DMD: variants seen among roughly 807,000 people sequenced by gnomAD.
DMD encodes mutant dystrophin.
DMD carries 63 observed loss-of-function variants against 330.1 expected under a neutral mutation model. The observed-to-expected ratio is 0.19, with a 90% CI of 0.16 to 0.24. The LOEUF (loss-of-function observed/expected upper bound fraction) is 0.24. Among genes scored for constraint, DMD ranks in the 10% least tolerant of loss-of-function variants. The pLI, the probability that DMD is intolerant of heterozygous loss-of-function variation, is 1.00. For synonymous variants in DMD, 1,223 were observed against 959.8 expected (o/e 1.27, Z -5.07); for missense variants, 3,344 against 2,684.1 (o/e 1.25, Z -5.43).
At chrX:33,247,162 C>T (rs781054480) in intron 1 of DMD, among the ~76,000 whole-genome samples, 94 of 111,829 alleles carry the variant, frequency 8.4e-4, no homozygotes, top group African/African-American at 3.0e-3. Context: ...ATACTCAAGT[C>T]ACATCACATG....
chrX:33,232,800 G>A (rs1342453368), intron 1 of DMD, among the ~76,000 whole-genome samples: 2 of 111,461 alleles, frequency 1.8e-5, no homozygotes, highest in Non-Finnish European at 3.8e-5. Context: ...ACTGAGGCAT[G>A]AGAATCGCTT....
intron 5 of DMD, among the ~76,000 whole-genome samples, chrX:32,819,008 T>G (rs1438103481): frequency 9.9e-6 from 1 of 100,804 alleles, no homozygotes; most frequent in Non-Finnish European, 2.0e-5. Context: ...TACAGGTGTT[T>G]TTTTTTTTTT....
At chrX:32,915,921 A>C (rs764838310) in intron 2 of DMD, among the ~76,000 whole-genome samples, 2 of 111,355 alleles carry the variant, frequency 1.8e-5, no homozygotes, top group African/African-American at 6.5e-5. Flanking sequence ...TGACTGGGCT[A>C]TTCTGGGAGG....
intron 16 of DMD, among the ~76,000 whole-genome samples, chrX:32,563,057 T>TGG (rs2051218307): frequency 9.0e-6 from 1 of 111,143 alleles, no homozygotes; most frequent in East Asian, 2.8e-4. Context: ...AAGGAGATAG[T>TGG]GGGCCGGGCG....
intron 13 of DMD, among the ~76,000 whole-genome samples, chrX:32,592,374 C>A (rs376287587): frequency 9.0e-6 from 1 of 111,129 alleles, no homozygotes; most frequent in Non-Finnish European, 1.9e-5. Flanking sequence ...GACATTGGGA[C>A]TACCAGCCGC....
At chrX:32,469,553 A>G (rs1440713091) in intron 22 of DMD, among the ~76,000 whole-genome samples, 1 of 110,881 alleles carries the variant, frequency 9.0e-6, no homozygotes, top group Non-Finnish European at 1.9e-5. Context: ...ATAGTATCCT[A>G]TGCCTATTTG....
chrX:32,278,159 C>A (rs1166513788), intron 43 of DMD, among the ~76,000 whole-genome samples: 1 of 110,992 alleles, frequency 9.0e-6, no homozygotes, highest in Non-Finnish European at 1.9e-5. Context: ...AATTCAAAGG[C>A]TCATTAGTGG....
intron 21 of DMD, among the ~76,000 whole-genome samples, chrX:32,474,200 TACATACATACACACACACACACAC>T (rs1454489505): frequency 2.7e-4 from 28 of 104,947 alleles, no homozygotes; most frequent in Non-Finnish European, 4.6e-4. Context: ...CATATATACA[TACATACATACACACACACACACAC>T]ACACACACAC....
chrX:33,188,389 T>C, intron 1 of DMD, among the ~76,000 whole-genome samples: 1 of 111,093 alleles, frequency 9.0e-6, no homozygotes. Context: ...TTTACCCGTC[T>C]ACAGTTCTTT....
At chrX:31,265,196 T>C (rs772925431) in intron 62 of DMD, among the ~76,000 whole-genome samples, 8 of 112,377 alleles carry the variant, frequency 7.1e-5, no homozygotes, top group Non-Finnish European at 1.5e-4. Context: ...CTGGAGCCCA[T>C]TGATCCACAC....
At chrX:32,722,070 T>C (rs1302902915) in intron 7 of DMD, among the ~76,000 whole-genome samples, 2 of 110,830 alleles carry the variant, frequency 1.8e-5, no homozygotes, top group Non-Finnish European at 3.8e-5. Flanking sequence ...ATTTATGATA[T>C]AATTTCAAAT....
chrX:31,196,429 G>A (rs2042893399), intron 67 of DMD, among the ~76,000 whole-genome samples: 1 of 111,191 alleles, frequency 9.0e-6, no homozygotes, highest in African/African-American at 3.3e-5. Flanking sequence ...GAATGTCTAT[G>A]GAACCAAAGG....
At chrX:31,750,188 C>G (rs1184716876) in intron 51 of DMD, among the ~76,000 whole-genome samples, 1 of 109,700 alleles carries the variant, frequency 9.1e-6, no homozygotes, top group Non-Finnish European at 1.9e-5. Flanking sequence ...GTTGCCCTTG[C>G]TTTTGGTGTT....
chrX:32,531,769 A>T (rs971513675), intron 17 of DMD, among the ~76,000 whole-genome samples: 2 of 110,936 alleles, frequency 1.8e-5, no homozygotes, highest in Non-Finnish European at 3.8e-5. Context: ...TAAAAAAAAA[A>T]TAAGGATAAG....
At chrX:32,073,437 TTA>T (rs1230410022) in intron 44 of DMD, among the ~76,000 whole-genome samples, 3 of 111,784 alleles carry the variant, frequency 2.7e-5, no homozygotes, top group African/African-American at 9.8e-5. Flanking sequence ...TATACATATT[TTA>T]TATTATAAAC....
At chrX:31,349,040 G>T (rs1183998161) in intron 60 of DMD, among the ~76,000 whole-genome samples, 1 of 112,045 alleles carries the variant, frequency 8.9e-6, no homozygotes, top group Non-Finnish European at 1.9e-5. Context: ...TAAGTCTTAG[G>T]CTATTGTTTT....
At chrX:32,502,013 C>A (rs1399301729) in intron 18 of DMD, among the ~76,000 whole-genome samples, 171 bp from the exon 19 acceptor site, 1 of 111,780 alleles carries the variant, frequency 8.9e-6, no homozygotes, top group East Asian at 2.8e-4. Flanking sequence ...ATCAAAATGG[C>A]AATAAAAGCA....
intron 55 of DMD, among the ~76,000 whole-genome samples, chrX:31,609,071 T>C (rs1216000474): frequency 1.8e-5 from 2 of 112,369 alleles, no homozygotes; most frequent in African/African-American, 6.5e-5. Flanking sequence ...TAGATGATTG[T>C]TATGTATTTT....
At chrX:32,013,814 C>T (rs774408024) in intron 44 of DMD, among the ~76,000 whole-genome samples, 13 of 111,951 alleles carry the variant, frequency 1.2e-4, no homozygotes, top group Non-Finnish European at 2.3e-4. Flanking sequence ...GGAAATAAAA[C>T]GGACAGAAGA....
Sources: allele counts gnomAD v4.1 joint callset (sites outside exome capture counted in the v4.1 genomes callset), GRCh38; gene constraint gnomAD v4.1.1; transcripts MANE v1.5; gene names NCBI Gene and HGNC (gene_info 2026-07-23, HGNC 2026-07-21).